DISC1: variants seen among roughly 807,000 people sequenced by gnomAD.
The protein encoded by DISC1 is DISC1 scaffold protein.
Under a neutral mutation model 84.5 loss-of-function variants are expected in DISC1, and 57 were observed. The observed-to-expected ratio is 0.67, with a 90% CI of 0.55 to 0.84. The LOEUF (loss-of-function observed/expected upper bound fraction) is 0.84, where lower values mean the gene tolerates loss of function less well. DISC1 is among the 40% of genes least tolerant of loss of function. The pLI, the probability that DISC1 is intolerant of heterozygous loss-of-function variation, is 0.00. For missense variants in DISC1, 1,000 were observed against 1,057.8 expected (o/e 0.95, Z 0.76); for synonymous variants, 411 against 415.2 (o/e 0.99, Z 0.12).
chr1:231,901,688 A>AT (rs2088191856), intron 9 of DISC1, among the ~76,000 whole-genome samples: 1 of 151,862 alleles, frequency 6.6e-6, no homozygotes, highest in African/African-American at 2.4e-5. Context: ...TTCTGATCCC[A>AT]TTTTTTCTTG....
At chr1:231,722,886 A>T in intron 3 of DISC1, 3 of 1,363,944 alleles carry the variant, frequency 2.2e-6, no homozygotes, top group Non-Finnish European at 2.8e-6. Flanking sequence ...AAAAACCGCT[A>T]TTGTTCTGTG....
intron 11 of DISC1, among the ~76,000 whole-genome samples, chr1:232,011,619 G>A (rs985803823): frequency 6.6e-6 from 1 of 152,128 alleles, no homozygotes; most frequent in African/African-American, 2.4e-5. Flanking sequence ...CATTACAAGA[G>A]CAACAGGAAG....
At chr1:231,853,233 CAAAATAATCA>C (rs2125905094) in intron 9 of DISC1, among the ~76,000 whole-genome samples, 2 of 152,256 alleles carry the variant, frequency 1.3e-5, no homozygotes, top group East Asian at 3.9e-4. Flanking sequence ...TTTGTAGAAA[CAAAATAATCA>C]AATACAGTCC....
intron 9 of DISC1, among the ~76,000 whole-genome samples, chr1:231,952,989 T>A (rs1039704525): frequency 7.2e-5 from 11 of 152,144 alleles, no homozygotes; most frequent in Non-Finnish European, 5.9e-5. Context: ...GAAGTTGAAG[T>A]CATGTGTTTT....
chr1:231,883,028 T>C (rs1361312755), intron 9 of DISC1, among the ~76,000 whole-genome samples: 1 of 151,798 alleles, frequency 6.6e-6, no homozygotes, highest in East Asian at 2.0e-4. Context: ...CTCAGTGCTG[T>C]AGACACACGG....
At chr1:231,974,282 AAAC>A (rs1489910488) in intron 10 of DISC1, among the ~76,000 whole-genome samples, 8 of 152,298 alleles carry the variant, frequency 5.3e-5, no homozygotes, top group Non-Finnish European at 8.8e-5. Context: ...GCTTGACTGA[AAAC>A]AACAACAATA....
chr1:231,752,818 GT>G (rs2074757716), intron 4 of DISC1, among the ~76,000 whole-genome samples: 1 of 152,230 alleles, frequency 6.6e-6, no homozygotes, highest in Admixed American at 6.5e-5. Context: ...TAATACTCCT[GT>G]TCCAAAAGAG....
intron 8 of DISC1, among the ~76,000 whole-genome samples, chr1:231,811,368 C>T (rs912152720): frequency 2.6e-5 from 4 of 152,190 alleles, no homozygotes; most frequent in Admixed American, 6.5e-5. Context: ...TCCTTGACCT[C>T]GCCAAGGGAA....
chr1:231,933,861 C>T (rs1349207295), intron 9 of DISC1, among the ~76,000 whole-genome samples: 1 of 152,184 alleles, frequency 6.6e-6, no homozygotes, highest in Non-Finnish European at 1.5e-5. Flanking sequence ...CTCCTGTCCT[C>T]CACAAATCTG....
chr1:231,733,981 T>C (rs2072098391), intron 3 of DISC1, among the ~76,000 whole-genome samples: 1 of 151,316 alleles, frequency 6.6e-6, no homozygotes. Context: ...GTGGTGATGA[T>C]GATGATGACC....
intron 6 of DISC1, among the ~76,000 whole-genome samples, chr1:231,780,237 TA>T (rs11451092): frequency 0.027 from 2,856 of 103,928 alleles, 79 homozygotes; most frequent in African/African-American, 0.061. Flanking sequence ...TAAAGTATAA[TA>T]AAAAAAAAAA....
In DISC1 at chr1:231,771,038, C is replaced by G; in HGVS notation, c.1602C>G (p.Pro534=). Residue 534 remains proline, a synonymous_variant, in exon 6 of 13, where the codon CCC becomes CCG. Transcript: ENST00000439617. ...CCCTGGCCTCAGCCGGTCAGATTCC[C>G]TTCCATGCAGAGCCACCGGAAACCA... The part of the protein sequence containing the change: ...QDTLASAGQI[P]FHAEPPETIR... 6.2e-7 allele frequency: 1 copy of G among 1,609,300 alleles called. No homozygotes were observed. Among genetic ancestry groups the G allele is most frequent in the East Asian group, 2.2e-5 (1 of 44,694 alleles).
intron 10 of DISC1, among the ~76,000 whole-genome samples, chr1:231,960,384 G>A (rs1014929824): frequency 2.0e-5 from 3 of 152,084 alleles, no homozygotes; most frequent in Admixed American, 2.0e-4. Context: ...TTCCCAAGTA[G>A]CTTGGATTAC....
At chr1:231,747,490 C>T (rs1339372883) in intron 3 of DISC1, among the ~76,000 whole-genome samples, 2 of 152,122 alleles carry the variant, frequency 1.3e-5, no homozygotes. Flanking sequence ...ACAGTTTTCC[C>T]AACACCATTT....
At chr1:231,968,909 A>G (rs1165120956) in intron 10 of DISC1, among the ~76,000 whole-genome samples, 1 of 152,196 alleles carries the variant, frequency 6.6e-6, no homozygotes, top group Admixed American at 6.5e-5. Flanking sequence ...ATTTTCTGTC[A>G]TAACAATGGG....
intron 1 of DISC1, among the ~76,000 whole-genome samples, chr1:231,687,983 A>G (rs1397966814): frequency 1.3e-5 from 2 of 152,200 alleles, no homozygotes; most frequent in Non-Finnish European, 2.9e-5. Context: ...AAAAAAAATC[A>G]TAGGGAAAAT....
At chr1:231,844,860 G>A (rs1298873123) in intron 9 of DISC1, among the ~76,000 whole-genome samples, 1 of 150,388 alleles carries the variant, frequency 6.6e-6, no homozygotes, top group Non-Finnish European at 1.5e-5. Context: ...CTGGGAGGCG[G>A]AGCTTGCAGT....
chr1:231,946,093 C>T (rs1416561603), intron 9 of DISC1, among the ~76,000 whole-genome samples: 1 of 152,154 alleles, frequency 6.6e-6, no homozygotes, highest in Non-Finnish European at 1.5e-5. Context: ...AAGAGGGAAT[C>T]CTCCCTAACT....
At chr1:232,025,225 G>A (rs144831499) in intron 11 of DISC1, among the ~76,000 whole-genome samples, 1 of 152,308 alleles carries the variant, frequency 6.6e-6, no homozygotes, top group Non-Finnish European at 1.5e-5. Context: ...CTGGGTTTCA[G>A]AGAAGAGTGG....
Sources: gnomAD v4.1 joint callset for allele counts (sites outside exome capture counted in the v4.1 genomes callset) on GRCh38, gnomAD v4.1.1 for gene constraint, MANE v1.5 for transcripts, NCBI Gene and HGNC (gene_info 2026-07-23, HGNC 2026-07-21) for gene names.